Variants in MRPL48 observed in about 807,000 individuals in gnomAD.
MRPL48 encodes large ribosomal subunit protein mL48.
Under a neutral mutation model 32.9 loss-of-function variants are expected in MRPL48, and 16 were observed. The ratio of observed to expected loss-of-function variants is 0.49; its 90% confidence interval spans 0.33 to 0.74. The LOEUF is 0.74. Among genes scored for constraint, MRPL48 ranks in the 30% least tolerant of loss-of-function variants. The pLI is 0.02. For synonymous variants in MRPL48, 94 were observed against 89.2 expected (o/e 1.05, Z -0.31); for missense variants, 206 against 245.3 (o/e 0.84, Z 1.07).
intron 3 of MRPL48, among the ~76,000 whole-genome samples, chr11:73,816,310 C>G (rs1253904907): frequency 7.2e-6 from 1 of 139,350 alleles, no homozygotes; most frequent in Non-Finnish European, 1.6e-5. Flanking sequence ...ATCCGCCCGC[C>G]TCGGCCTCCC....
At chr11:73,820,358 G>A (rs1018474368) in intron 3 of MRPL48, among the ~76,000 whole-genome samples, 23 of 152,250 alleles carry the variant, frequency 1.5e-4, no homozygotes, top group African/African-American at 5.5e-4. Flanking sequence ...CTGAGTAGCA[G>A]GGACTACAGG....
chr11:73,853,680 CTTTTTTTTT>C, intron 5 of MRPL48, among the ~76,000 whole-genome samples: 1 of 79,124 alleles, frequency 1.3e-5, no homozygotes, highest in Admixed American at 1.5e-4. Context: ...GAGATAGCTT[CTTTTTTTTT>C]TTTTTTTTTT....
At chr11:73,816,102 C>T (rs1377835199) in intron 3 of MRPL48, among the ~76,000 whole-genome samples, 2 of 151,672 alleles carry the variant, frequency 1.3e-5, no homozygotes, top group African/African-American at 4.8e-5. Flanking sequence ...TGCTCTGTCG[C>T]CCAGGCTGGA....
chr11:73,797,761 C>T (rs2134942219), intron 1 of MRPL48, among the ~76,000 whole-genome samples: 1 of 152,312 alleles, frequency 6.6e-6, no homozygotes, highest in Non-Finnish European at 1.5e-5. Flanking sequence ...CGGAGGACAG[C>T]CTGCCAAGAC....
At chr11:73,855,246 A>G (rs1948465593) in intron 5 of MRPL48, among the ~76,000 whole-genome samples, 1 of 151,752 alleles carries the variant, frequency 6.6e-6, no homozygotes, top group African/African-American at 2.4e-5. Flanking sequence ...AGATGGAAAT[A>G]TGATTATGTC....
At chr11:73,852,814 C>T (rs1007799249) in intron 5 of MRPL48, among the ~76,000 whole-genome samples, 2 of 152,184 alleles carry the variant, frequency 1.3e-5, no homozygotes, top group African/African-American at 4.8e-5. Context: ...TATTGCAGCA[C>T]TATTCACAAT....
At chr11:73,825,511 C>T (rs1009990772) in intron 3 of MRPL48, among the ~76,000 whole-genome samples, 197 bp from the exon 4 acceptor site, 40 of 151,728 alleles carry the variant, frequency 2.6e-4, no homozygotes, top group Admixed American at 7.9e-4. Flanking sequence ...GCCTGTAGTA[C>T]TAGCTACTTG....
intron 1 of MRPL48, among the ~76,000 whole-genome samples, chr11:73,797,255 T>C (rs1283527701): frequency 6.6e-6 from 1 of 152,164 alleles, no homozygotes; most frequent in Non-Finnish European, 1.5e-5. Flanking sequence ...TCAATAAAGC[T>C]CTTCTTTGTC....
chr11:73,835,103 G>A (rs1948072398), intron 4 of MRPL48, among the ~76,000 whole-genome samples: 1 of 149,338 alleles, frequency 6.7e-6, no homozygotes, highest in African/African-American at 2.5e-5. Context: ...AAAGTGCTGG[G>A]ATTACAGGTG....
chr11:73,806,147 G>C (rs771490796), intron 2 of MRPL48, among the ~76,000 whole-genome samples: 1 of 151,736 alleles, frequency 6.6e-6, no homozygotes, highest in Non-Finnish European at 1.5e-5. Flanking sequence ...ATGAACATAA[G>C]AATGATTCTT....
At chr11:73,789,041 G>C (rs1302906680) in intron 1 of MRPL48, among the ~76,000 whole-genome samples, 1 of 152,322 alleles carries the variant, frequency 6.6e-6, no homozygotes, top group South Asian at 2.1e-4. Flanking sequence ...GGGTCTACCT[G>C]TGGTTACCTT....
In MRPL48 at chr11:73,788,074, G is replaced by C. The variant is rs1947075283; in HGVS notation, c.21+82G>C. 9 of 1,571,452 alleles carry C rather than the reference G, an allele frequency of 5.7e-6. No homozygotes were observed. The South Asian group carries it at 6.9e-5, about 12-fold the overall frequency. ...GGAGATGGCGGAGGGTGCAGAGCGG[G>C]GAGGTGGCGGCGCGCGGACATCCGG... On this transcript the variant is annotated intron_variant, in intron 1 of 7. Transcript: ENST00000310614.
chr11:73,825,064 G>C (rs11235921), intron 3 of MRPL48, among the ~76,000 whole-genome samples: 2 of 152,084 alleles, frequency 1.3e-5, no homozygotes, highest in African/African-American at 4.8e-5. Context: ...TATAGTTATT[G>C]TATGTTAAGG....
chr11:73,847,931 A>T (rs1326045467), intron 5 of MRPL48, among the ~76,000 whole-genome samples: 1 of 152,034 alleles, frequency 6.6e-6, no homozygotes, highest in Non-Finnish European at 1.5e-5. Context: ...CCTGTCTATG[A>T]CTTATCTTGT....
chr11:73,823,448 A>G (rs912890332), intron 3 of MRPL48, among the ~76,000 whole-genome samples: 1 of 152,166 alleles, frequency 6.6e-6, no homozygotes, highest in African/African-American at 2.4e-5. Flanking sequence ...CTCATTTATA[A>G]ATAAAGAAGA....
At chr11:73,802,301 G>C (rs2058045400) in intron 1 of MRPL48, 1 of 152,188 alleles carries the variant, frequency 6.6e-6, no homozygotes, top group Non-Finnish European at 1.5e-5. Flanking sequence ...CAGAGATTGT[G>C]CATACATTTT....
chr11:73,834,346 C>T (rs1948049940), intron 4 of MRPL48, among the ~76,000 whole-genome samples: 1 of 152,056 alleles, frequency 6.6e-6, no homozygotes. Flanking sequence ...GATATTCCAG[C>T]TTTTTGTTTT....
chr11:73,858,053 T>C lies in MRPL48; in HGVS notation c.372-1854T>C, dbSNP rs543184995. 1.3e-5 allele frequency among the ~76,000 whole-genome samples: 2 copies of C among 152,368 alleles called. 1 individual carries two copies. Among genetic ancestry groups the C allele is most frequent in the African/African-American group, 4.8e-5 (2 of 41,590 alleles). On this transcript the variant is annotated intron_variant, in intron 5 of 7. Transcript: ENST00000310614. The stretch of plus-strand genomic sequence containing the variant: ...GGACAATTCCCACTTTAGTCAGTCC[T>C]ATCTGCAGAATGCCAAAAAAGAAAA...
At chr11:73,815,323 A>G (rs1947643986) in intron 3 of MRPL48, among the ~76,000 whole-genome samples, 1 of 151,906 alleles carries the variant, frequency 6.6e-6, no homozygotes, top group South Asian at 2.1e-4. Context: ...CTGAGGCAGG[A>G]GAATAGCTTG....
Sources: gnomAD v4.1 joint callset for allele counts (sites outside exome capture counted in the v4.1 genomes callset) on GRCh38, gnomAD v4.1.1 for gene constraint, MANE v1.5 for transcripts, NCBI Gene and HGNC (gene_info 2026-07-23, HGNC 2026-07-21) for gene names.